Variants in ZNF423 observed in about 807,000 individuals in gnomAD.
The protein encoded by ZNF423 is Ebf-associated zinc finger protein.
Under a neutral mutation model 95.8 loss-of-function variants are expected in ZNF423, and 12 were observed. That is an observed-to-expected ratio of 0.13 (90% CI 0.08 to 0.20). The LOEUF (loss-of-function observed/expected upper bound fraction) is 0.20. ZNF423 is among the 10% of genes least tolerant of loss of function. The pLI is 1.00. For missense variants in ZNF423, 1,316 were observed against 1,737.1 expected (o/e 0.76, Z 4.31); for synonymous variants, 749 against 711.9 (o/e 1.05, Z -0.83).
intron 5 of ZNF423, among the ~76,000 whole-genome samples, chr16:49,584,945 G>C (rs1041651936): frequency 6.6e-6 from 1 of 152,182 alleles, no homozygotes; most frequent in Non-Finnish European, 1.5e-5. Flanking sequence ...CAGCTGTCTT[G>C]TCTGTGTCAG....
intron 3 of ZNF423, among the ~76,000 whole-genome samples, chr16:49,699,358 G>A (rs1305464975): frequency 6.6e-6 from 1 of 152,158 alleles, no homozygotes; most frequent in Non-Finnish European, 1.5e-5. Flanking sequence ...ATAGCCCTTT[G>A]GAAATAAATA....
intron 1 of ZNF423, among the ~76,000 whole-genome samples, chr16:49,834,665 G>T (rs2035097608): frequency 6.6e-6 from 1 of 152,178 alleles, no homozygotes; most frequent in Admixed American, 6.5e-5. Context: ...GGCAGGGGCA[G>T]CTGTCCAGAA....
chr16:49,578,413 CG>C (rs1047010502), intron 5 of ZNF423, among the ~76,000 whole-genome samples: 18 of 152,238 alleles, frequency 1.2e-4, no homozygotes, highest in African/African-American at 4.3e-4. Flanking sequence ...GAAGAGAAAC[CG>C]AGGGCTTTGG....
intron 5 of ZNF423, among the ~76,000 whole-genome samples, chr16:49,580,588 T>C (rs1165621866): frequency 6.6e-6 from 1 of 152,146 alleles, no homozygotes; most frequent in African/African-American, 2.4e-5. Flanking sequence ...AAGGAGAGCT[T>C]TGAACACTCA....
At chr16:49,745,928 A>C (rs2033513815) in intron 2 of ZNF423, among the ~76,000 whole-genome samples, 1 of 152,158 alleles carries the variant, frequency 6.6e-6, no homozygotes, top group Non-Finnish European at 1.5e-5. Context: ...CCCTCACCCC[A>C]CAGAAGGTCC....
chr16:49,518,624 C>A (rs1968256311), intron 7 of ZNF423: 2 of 409,704 alleles, frequency 4.9e-6, no homozygotes, highest in South Asian at 3.6e-5. Context: ...TTCCCTGCAA[C>A]TCCGACCTTC....
At chr16:49,857,306 T>TGGC (rs59062897), upstream of ZNF423, among the ~76,000 whole-genome samples, 22,265 of 144,356 alleles carry the variant, frequency 0.15, 1,992 homozygotes, top group African/African-American at 0.25. This position sits in a 1 kb window ranked among gnomAD's most constrained non-coding sequence, Gnocchi z 6.2. Context: ...CGGACCGTGG[T>TGGC]GGCGGCGGCG....
chr16:49,616,924 T>C (rs1174671663), intron 5 of ZNF423, among the ~76,000 whole-genome samples: 1 of 152,218 alleles, frequency 6.6e-6, no homozygotes, highest in African/African-American at 2.4e-5. Flanking sequence ...TATTCAGAAC[T>C]TAACATGTGC....
At chr16:49,545,175 T>C (rs1478348805) in intron 5 of ZNF423, among the ~76,000 whole-genome samples, 4 of 152,224 alleles carry the variant, frequency 2.6e-5, no homozygotes, top group Non-Finnish European at 5.9e-5. Flanking sequence ...CAGGTCTGTT[T>C]CTCAGCCATG....
At chr16:49,530,546 G>A (rs908229696) in intron 5 of ZNF423, among the ~76,000 whole-genome samples, 3 of 151,768 alleles carry the variant, frequency 2.0e-5, no homozygotes, top group African/African-American at 4.9e-5. Context: ...TCTGGCACCA[G>A]GAGACGCTTG....
chr16:49,684,745 G>A (rs530347912), intron 3 of ZNF423, among the ~76,000 whole-genome samples: 1 of 152,302 alleles, frequency 6.6e-6, no homozygotes, highest in Admixed American at 6.5e-5. Flanking sequence ...CCCTCAGCTT[G>A]AGCCCTGGGC....
intron 3 of ZNF423, among the ~76,000 whole-genome samples, chr16:49,656,013 C>T (rs1389229676): frequency 6.6e-6 from 1 of 151,874 alleles, no homozygotes; most frequent in East Asian, 1.9e-4. Flanking sequence ...CTCTCTCCTC[C>T]CACCCCCACC....
chr16:49,664,293 T>C (rs560815900), intron 3 of ZNF423: 17 of 985,444 alleles, frequency 1.7e-5, no homozygotes, highest in Non-Finnish European at 2.0e-5. Flanking sequence ...GCCGAGGGTG[T>C]GCTGCTCCCG....
chr16:49,542,251 T>C (rs956863115), intron 5 of ZNF423, among the ~76,000 whole-genome samples: 1 of 152,178 alleles, frequency 6.6e-6, no homozygotes, highest in African/African-American at 2.4e-5. Context: ...GGGGGCAAAT[T>C]GCTCCCTCTG....
At chr16:49,813,691 T>C (rs73577318) in intron 1 of ZNF423, among the ~76,000 whole-genome samples, 26,501 of 152,212 alleles carry the variant, frequency 0.17, 2,679 homozygotes, top group East Asian at 0.25. Context: ...TGGCTCCCCC[T>C]TGGCCTCCTG....
At position 49,607,040 on chromosome 16, in the gene ZNF423, G is replaced by A. The variant is rs185205229; in HGVS notation, c.3601+19130C>T. Among the ~76,000 whole-genome samples, 821 of 148,640 alleles carry A rather than the reference G, an allele frequency of 5.5e-3. 5 individuals are homozygous for A. The highest frequency in any genetic ancestry group is 0.02 in the African/African-American group (792 of 40,214). ...ATGCTGCAGAAAGAAGCCCCAAAATGTTTTATGGTGAAACGTTAAATGTTT... is the reference window on the plus strand; with the variant it reads ...ATGCTGCAGAAAGAAGCCCCAAAATATTTTATGGTGAAACGTTAAATGTTT... On this transcript the variant is annotated intron_variant, in intron 5 of 7. Transcript: ENST00000563137.
chr16:49,701,522 A>G (rs1015845670), intron 3 of ZNF423, among the ~76,000 whole-genome samples: 3 of 152,138 alleles, frequency 2.0e-5, no homozygotes, highest in Admixed American at 6.5e-5. Context: ...AACCGACCCC[A>G]AACGGTTAAT....
chr16:49,520,067 T>G (rs1968328338), intron 7 of ZNF423, among the ~76,000 whole-genome samples: 1 of 152,136 alleles, frequency 6.6e-6, no homozygotes, highest in South Asian at 2.1e-4. Flanking sequence ...AGCCCATTAT[T>G]TGGTTTTATT....
Position 49,635,917 on chromosome 16 carries a change from G to A in ZNF423, c.3259C>T (p.Leu1087=). 1.9e-6 allele frequency: 3 copies of A among 1,585,370 alleles called. No individual in the cohort carries two copies. The highest frequency in any genetic ancestry group is 2.6e-6 in the Non-Finnish European group (3 of 1,165,610). The change falls in exon 4 of 8, where the codon CTG becomes TTG. Residue 1087 remains leucine (L), a synonymous_variant. Coordinates refer to ENST00000563137, the MANE Select transcript of ZNF423 (RefSeq NM_001379286.1). This position sits in a 1 kb window ranked among gnomAD's most constrained non-coding sequence, Gnocchi z 4.8. ...AGCCCATTGACGTCAAGCTTCACCA[G>A]GTCCTGCTTGCTGCGGAACTCCTTG... is the stretch of plus-strand genomic sequence containing the variant. ...CLKEFRSKQD[L]VKLDVNGLPY...
Sources: allele counts gnomAD v4.1 joint callset (sites outside exome capture counted in the v4.1 genomes callset), GRCh38; gene constraint gnomAD v4.1.1; non-coding constraint Gnocchi (gnomAD v3.1); transcripts MANE v1.5; gene names NCBI Gene and HGNC (gene_info 2026-07-23, HGNC 2026-07-21).